The following JPH1 variants were observed in gnomAD, a reference collection of about 807,000 sequenced individuals.
JPH1 encodes junctophilin-1.
JPH1 carries 12 observed loss-of-function variants against 53.6 expected under a neutral mutation model. The ratio of observed to expected loss-of-function variants is 0.22; its 90% confidence interval spans 0.14 to 0.36. The LOEUF (loss-of-function observed/expected upper bound fraction) is 0.36. Ranked by LOEUF, JPH1 falls within the 10% of genes least tolerant of loss-of-function variation. The pLI, the probability that JPH1 is intolerant of heterozygous loss-of-function variation, is 1.00. For missense variants in JPH1, 808 were observed against 905.5 expected (o/e 0.89, Z 1.38); for synonymous variants, 375 against 363.8 (o/e 1.03, Z -0.35).
chr8:74,286,293 T>C (rs576638142), intron 2 of JPH1, among the ~76,000 whole-genome samples: 1 of 152,246 alleles, frequency 6.6e-6, no homozygotes, highest in Admixed American at 6.5e-5. Flanking sequence ...TATTTATAAT[T>C]GACATAATGA....
At chr8:74,284,766 T>C (rs1172908143) in intron 2 of JPH1, among the ~76,000 whole-genome samples, 1 of 147,762 alleles carries the variant, frequency 6.8e-6, no homozygotes, top group Non-Finnish European at 1.5e-5. Context: ...TTGGCTAAGC[T>C]GCATTTTTTT....
At chr8:74,300,956 G>GC (rs1807664466) in intron 2 of JPH1, among the ~76,000 whole-genome samples, 1 of 151,974 alleles carries the variant, frequency 6.6e-6, no homozygotes, top group African/African-American at 2.4e-5. Context: ...TCCCCAACCA[G>GC]CCGTATACCG....
At chr8:74,295,647 C>T (rs180992443) in intron 2 of JPH1, among the ~76,000 whole-genome samples, 12 of 152,122 alleles carry the variant, frequency 7.9e-5, no homozygotes, top group Admixed American at 6.5e-4. Flanking sequence ...ATAAAATCTC[C>T]CCCCTCAGCT....
At chr8:74,290,835 C>A (rs1484060836) in intron 2 of JPH1, among the ~76,000 whole-genome samples, 1 of 152,204 alleles carries the variant, frequency 6.6e-6, no homozygotes, top group Non-Finnish European at 1.5e-5. Context: ...CACACATCTA[C>A]AACCATCTGA....
chr8:74,279,542 A>G (rs1331576378), intron 2 of JPH1, among the ~76,000 whole-genome samples: 1 of 152,184 alleles, frequency 6.6e-6, no homozygotes, highest in Admixed American at 6.5e-5. Flanking sequence ...ATAGGGGCTT[A>G]AGAGAATGGA....
rs964410638 is a variant in JPH1 at position 74,315,553 on chromosome 8, G to A, written c.447C>T (p.Tyr149=). 14 of 1,605,992 alleles carry A rather than the reference G, an allele frequency of 8.7e-6. No individual in the cohort carries two copies. Among genetic ancestry groups the A allele is most frequent in the Admixed American group, 3.4e-5 (2 of 59,678 alleles). ...GTGAGCGGATCACCGTGGCCATGCC[G>A]TAGGGCACGCTCTGGCGCACGCCGT... ...HGYGVRQSVP[Y]GMATVIRSPL... is the part of the protein sequence containing the mutation. The change falls in exon 2 of 6, where the codon TAC becomes TAT. Residue 149 remains tyrosine, a synonymous_variant. Coordinates refer to ENST00000342232, the MANE Select transcript of JPH1 (RefSeq NM_020647.4). This position sits in a 1 kb window ranked among gnomAD's most constrained non-coding sequence, Gnocchi z 6.3.
intron 2 of JPH1, among the ~76,000 whole-genome samples, chr8:74,289,981 A>G (rs1041788628): frequency 8.5e-5 from 13 of 152,150 alleles, no homozygotes; most frequent in Non-Finnish European, 2.9e-5. Context: ...CCAGTATTTT[A>G]TTGAGGATTT....
chr8:74,297,322 T>C (rs1243792897), intron 2 of JPH1, among the ~76,000 whole-genome samples: 1 of 152,204 alleles, frequency 6.6e-6, no homozygotes, highest in Non-Finnish European at 1.5e-5. Context: ...TTGGAGACTA[T>C]GTAGATTCTC....
chr8:74,270,517 G>A (rs182247731), intron 2 of JPH1, among the ~76,000 whole-genome samples: 1 of 152,296 alleles, frequency 6.6e-6, no homozygotes, highest in Non-Finnish European at 1.5e-5. Context: ...ATGTAAACCA[G>A]GGTGACTCGT....
At chr8:74,255,239 T>G (rs1490068788) in intron 3 of JPH1, among the ~76,000 whole-genome samples, 1 of 151,996 alleles carries the variant, frequency 6.6e-6, no homozygotes, top group East Asian at 1.9e-4. Flanking sequence ...GAAATAATGC[T>G]GCATATCTAC....
chr8:74,236,461 A>T lies in JPH1; in HGVS notation c.*590T>A, dbSNP rs1806999591. On this transcript the variant is annotated 3_prime_UTR_variant, in exon 6 of 6. Transcript: ENST00000342232. Reference sequence around the variant, plus strand: ...GTTCTCTCCCAGAACATTCCAGGAGATGTTAAAGCAGCAGGTCATGGCATA... The same window carrying T: ...GTTCTCTCCCAGAACATTCCAGGAGTTGTTAAAGCAGCAGGTCATGGCATA... 1.3e-5 allele frequency: 2 copies of T among 152,570 alleles called. No homozygotes were observed. The highest frequency in any genetic ancestry group is 2.4e-5 in the African/African-American group (1 of 41,428). 9.5% of individuals were successfully genotyped at this position (152,570 alleles called of 1,614,324 possible).
At chr8:74,249,752 A>C (rs1316243997) in intron 3 of JPH1, among the ~76,000 whole-genome samples, 5 of 152,334 alleles carry the variant, frequency 3.3e-5, no homozygotes, top group East Asian at 1.9e-4. Flanking sequence ...ATGACATATT[A>C]ATGATAGGCC....
chr8:74,264,938 G>C (rs2131399314), intron 2 of JPH1, among the ~76,000 whole-genome samples: 1 of 152,240 alleles, frequency 6.6e-6, no homozygotes, highest in South Asian at 2.1e-4. Flanking sequence ...CATACAACAT[G>C]AACTACGGGA....
chr8:74,287,745 G>A (rs777623818), intron 2 of JPH1, among the ~76,000 whole-genome samples: 14 of 151,172 alleles, frequency 9.3e-5, no homozygotes, highest in Admixed American at 1.3e-4. Flanking sequence ...TGAAATTTCC[G>A]TCTGACTATA....
intron 2 of JPH1, among the ~76,000 whole-genome samples, chr8:74,307,649 C>T (rs1250500693): frequency 6.6e-6 from 1 of 152,156 alleles, no homozygotes; most frequent in Non-Finnish European, 1.5e-5. Flanking sequence ...AGAAGGATTT[C>T]CCCTTCCCGT....
At chr8:74,263,556 A>G (rs1806452312) in intron 2 of JPH1, among the ~76,000 whole-genome samples, 1 of 152,198 alleles carries the variant, frequency 6.6e-6, no homozygotes. Flanking sequence ...GTCATCCTTG[A>G]CAACTCCCGT....
intron 2 of JPH1, among the ~76,000 whole-genome samples, chr8:74,269,640 A>G (rs1180548135): frequency 3.9e-5 from 6 of 152,218 alleles, no homozygotes; most frequent in Non-Finnish European, 8.8e-5. Context: ...TTATTATAAA[A>G]CACTGTTTGA....
chr8:74,288,621 G>A (rs1807237073), intron 2 of JPH1, among the ~76,000 whole-genome samples: 1 of 152,144 alleles, frequency 6.6e-6, no homozygotes, highest in Non-Finnish European at 1.5e-5. Context: ...AGGAGCACAG[G>A]AATAGTCAAG....
At chr8:74,242,666 C>T (rs1046349221) in intron 4 of JPH1, among the ~76,000 whole-genome samples, 4 of 152,206 alleles carry the variant, frequency 2.6e-5, no homozygotes, top group African/African-American at 9.7e-5. Context: ...ATTGGGAAGA[C>T]AATGTTAATT....
Sources: allele counts gnomAD v4.1 joint callset (sites outside exome capture counted in the v4.1 genomes callset), GRCh38; gene constraint gnomAD v4.1.1; non-coding constraint Gnocchi (gnomAD v3.1); transcripts MANE v1.5; gene names NCBI Gene and HGNC (gene_info 2026-07-23, HGNC 2026-07-21).